The following AGBL4 variants were observed in gnomAD, a reference collection of about 807,000 sequenced individuals.
AGBL4 encodes AGBL carboxypeptidase 4, also known as cytosolic carboxypeptidase 6.
In AGBL4, 58 loss-of-function variants were observed where a neutral mutation model predicts 66.4. That is an observed-to-expected ratio of 0.87 (90% CI 0.71 to 1.09). The LOEUF is 1.09. AGBL4 is among the 50% of genes least tolerant of loss of function. The pLI is 0.00. For missense variants in AGBL4, 579 were observed against 631.0 expected (o/e 0.92, Z 0.88); for synonymous variants, 234 against 222.9 (o/e 1.05, Z -0.44).
intron 7 of AGBL4, among the ~76,000 whole-genome samples, chr1:48,660,571 G>A (rs918760885): frequency 6.6e-6 from 1 of 152,040 alleles, no homozygotes; most frequent in East Asian, 1.9e-4. Flanking sequence ...ACATGTAGCT[G>A]AGACACCCTT....
intron 6 of AGBL4, among the ~76,000 whole-genome samples, chr1:48,826,772 AC>A (rs1299802707): frequency 6.6e-6 from 1 of 152,154 alleles, no homozygotes; most frequent in East Asian, 1.9e-4. Context: ...AACCTTCTGA[AC>A]CCTAAAAGAC....
chr1:49,000,446 C>G (rs1039223837), intron 5 of AGBL4, among the ~76,000 whole-genome samples: 13 of 152,158 alleles, frequency 8.5e-5, no homozygotes, highest in Non-Finnish European at 1.5e-4. Context: ...CATTGCTATA[C>G]CTCCAGCCTC....
chr1:48,662,866 A>G (rs1463948366), intron 7 of AGBL4, among the ~76,000 whole-genome samples: 1 of 151,982 alleles, frequency 6.6e-6, no homozygotes, highest in East Asian at 1.9e-4. Flanking sequence ...ATGATTCTGT[A>G]TGGCTCTTCC....
intron 6 of AGBL4, among the ~76,000 whole-genome samples, chr1:48,790,758 AGT>A (rs1645530106): frequency 6.6e-6 from 1 of 152,118 alleles, no homozygotes; most frequent in Admixed American, 6.6e-5. Context: ...TTATCTCAGG[AGT>A]GAGCTCATTA....
chr1:49,080,047 T>C (rs993369002), intron 4 of AGBL4, among the ~76,000 whole-genome samples: 2 of 152,222 alleles, frequency 1.3e-5, no homozygotes, highest in Non-Finnish European at 2.9e-5. Flanking sequence ...GTATTTAATA[T>C]TCTTAACTAC....
chr1:49,801,227 C>G lies in AGBL4; in HGVS notation c.157+50169G>C, dbSNP rs149567545. On this transcript the variant is annotated intron_variant, in intron 2 of 13. Coordinates refer to ENST00000371839, the MANE Select transcript of AGBL4 (RefSeq NM_032785.4). ...TTGGATGGTCTCTAAGAGCTGAGGG[C>G]AGATTCCAGTCAACTGCTATAAACT... 2.2e-3 allele frequency among the ~76,000 whole-genome samples: 341 copies of G among 152,290 alleles called. 4 individuals carry two copies. Among genetic ancestry groups the G allele is most frequent in the African/African-American group, 7.9e-3 (328 of 41,568 alleles).
At chr1:48,624,778 G>T (rs1394574799) in intron 9 of AGBL4, among the ~76,000 whole-genome samples, 3 of 152,220 alleles carry the variant, frequency 2.0e-5, no homozygotes, top group African/African-American at 7.2e-5. Flanking sequence ...TTGCAGGTGG[G>T]TTCTAAAGAG....
At chr1:49,244,298 C>T (rs1303610891) in intron 4 of AGBL4, among the ~76,000 whole-genome samples, 2 of 151,686 alleles carry the variant, frequency 1.3e-5, no homozygotes, top group Admixed American at 6.6e-5. Flanking sequence ...TATATATATG[C>T]CTATTAACAG....
intron 2 of AGBL4, among the ~76,000 whole-genome samples, chr1:49,825,354 T>C (rs1645482495): frequency 6.6e-6 from 1 of 152,224 alleles, no homozygotes; most frequent in Admixed American, 6.5e-5. Flanking sequence ...AAATTTATGT[T>C]GTTGACATTT....
chr1:48,953,174 G>C (rs1384081557), intron 5 of AGBL4, among the ~76,000 whole-genome samples: 3 of 152,128 alleles, frequency 2.0e-5, no homozygotes, highest in Admixed American at 6.5e-5. Context: ...CACACAATGA[G>C]CTGAAGGTCC....
intron 6 of AGBL4, among the ~76,000 whole-genome samples, chr1:48,866,546 T>C (rs1648107552): frequency 6.6e-6 from 1 of 152,216 alleles, no homozygotes; most frequent in Non-Finnish European, 1.5e-5. Context: ...GACAGAACAG[T>C]ACCTCTTTTT....
intron 3 of AGBL4, among the ~76,000 whole-genome samples, chr1:49,561,695 T>C (rs1644049354): frequency 6.6e-6 from 1 of 152,162 alleles, no homozygotes; most frequent in Non-Finnish European, 1.5e-5. Flanking sequence ...ATTTTCTTAA[T>C]CCAGTCTATC....
intron 3 of AGBL4, among the ~76,000 whole-genome samples, chr1:49,585,012 T>C (rs1351331966): frequency 6.6e-6 from 1 of 152,240 alleles, no homozygotes; most frequent in Admixed American, 6.5e-5. Flanking sequence ...CTGGTTTATC[T>C]AAACCACTCT....
At chr1:49,510,140 T>A (rs1267756483) in intron 3 of AGBL4, among the ~76,000 whole-genome samples, 1 of 152,038 alleles carries the variant, frequency 6.6e-6, no homozygotes, top group African/African-American at 2.4e-5. Context: ...TCCATAATGA[T>A]AAATAGAAAT....
chr1:49,314,197 T>A (rs1014606792), intron 3 of AGBL4, among the ~76,000 whole-genome samples: 1 of 152,180 alleles, frequency 6.6e-6, no homozygotes, highest in African/African-American at 2.4e-5. Context: ...GCGTTATTTC[T>A]GAGGCATCTA....
intron 1 of AGBL4, among the ~76,000 whole-genome samples, chr1:49,913,849 G>A (rs1651111114): frequency 6.6e-6 from 1 of 152,198 alleles, no homozygotes; most frequent in African/African-American, 2.4e-5. Flanking sequence ...AGGACAGCTG[G>A]AAAGCACTGT....
At chr1:49,331,025 A>G (rs1645322543) in intron 3 of AGBL4, among the ~76,000 whole-genome samples, 2 of 152,100 alleles carry the variant, frequency 1.3e-5, no homozygotes, top group African/African-American at 4.8e-5. Context: ...ACCCCAGGAA[A>G]CTATGCTTCT....
intron 2 of AGBL4, among the ~76,000 whole-genome samples, chr1:49,849,083 T>G (rs1431415757): frequency 6.6e-6 from 1 of 152,140 alleles, no homozygotes; most frequent in Non-Finnish European, 1.5e-5. Flanking sequence ...AAACACCTAA[T>G]AAATAACCTA....
intron 4 of AGBL4, among the ~76,000 whole-genome samples, chr1:49,203,439 A>T (rs1410995523): frequency 6.6e-6 from 1 of 152,204 alleles, no homozygotes; most frequent in African/African-American, 2.4e-5. Flanking sequence ...ATTTAGCCTT[A>T]AAAAAGTTAG....
Sources: allele counts gnomAD v4.1 joint callset (sites outside exome capture counted in the v4.1 genomes callset), GRCh38; gene constraint gnomAD v4.1.1; transcripts MANE v1.5; gene names NCBI Gene and HGNC (gene_info 2026-07-23, HGNC 2026-07-21).